The following LARP1B variants were observed in gnomAD, a reference collection of about 807,000 sequenced individuals.
LARP1B encodes la-related protein 1B.
In LARP1B, 76 loss-of-function variants were observed where a neutral mutation model predicts 114.2. That is an observed-to-expected ratio of 0.67 (90% CI 0.55 to 0.81). The LOEUF (loss-of-function observed/expected upper bound fraction) is 0.81. Ranked by LOEUF, LARP1B falls within the 30% of genes least tolerant of loss-of-function variation. The probability of loss-of-function intolerance (pLI) is 0.00; values close to 1 mark genes in which losing one functional copy is unlikely to be tolerated. For synonymous variants in LARP1B, 345 were observed against 348.0 expected (o/e 0.99, Z 0.10); for missense variants, 1,014 against 1,075.8 (o/e 0.94, Z 0.80).
intron 9 of LARP1B, chr4:128,108,141 C>T: frequency 7.7e-7 from 1 of 1,296,066 alleles, no homozygotes; most frequent in East Asian, 3.0e-5. Context: ...ATAGGAGCTG[C>T]CTATTTCTGT....
In LARP1B at chr4:128,065,324, TCTCTCTC is replaced by T. The variant is rs1561012713; in HGVS notation, c.-78+3924_-78+3930del. ...TTCTTTCTTTCTTTCTTTCTCTCTC[TCTCTCTC>T]TTTCCTTTCTTTTCTTTTCTTTTCT... On this transcript the variant is annotated intron_variant, in intron 1 of 19. Transcript: ENST00000326639. Among the ~76,000 whole-genome samples, 619 of 134,486 alleles carry T rather than the reference TCTCTCTC, an allele frequency of 4.6e-3. 10 individuals are homozygous for T. The highest frequency in any genetic ancestry group is 0.025 in the Middle Eastern group (6 of 242). The allele number at this position is 134,486 out of a possible 152,430, so 88.2% of individuals were successfully genotyped here. A position where few individuals can be genotyped will look rare whatever the true frequency, so the allele number is the denominator to read the frequency against.
chr4:128,170,872 C>CTTTTTTTTTTTTTTTTTTTTTTTTTTTT (rs70966085), intron 12 of LARP1B, among the ~76,000 whole-genome samples: 2 of 95,008 alleles, frequency 2.1e-5, no homozygotes, highest in Non-Finnish European at 2.2e-5. Context: ...TTTTTCTTTT[C>CTTTTTTTTTTTTTTTTTTTTTTTTTTTT]TTTTTTTTTT....
rs75516554 is a variant in LARP1B at position 128,170,325 on chromosome 4, G to A, written c.1649-6547G>A. Among the ~76,000 whole-genome samples the A allele has an allele frequency of 3.1e-3, 467 of 152,214 alleles. 4 individuals are homozygous for A. Among genetic ancestry groups the A allele is most frequent in the African/African-American group, 0.011 (446 of 41,558 alleles). ...ATGTTTATTACACTATTTTTGAGTA[G>A]AATGTTCCATATTGTCTGTTCAATT... On this transcript the variant is annotated intron_variant, in intron 12 of 19. Transcript: ENST00000326639.
intron 11 of LARP1B, among the ~76,000 whole-genome samples, chr4:128,150,523 C>T (rs1352493722): frequency 6.6e-6 from 1 of 151,968 alleles, no homozygotes; most frequent in Non-Finnish European, 1.5e-5. Flanking sequence ...GAATTCCTGG[C>T]CTCAAGTAAT....
At chr4:128,186,695 C>G (rs764412859) in intron 15 of LARP1B, among the ~76,000 whole-genome samples, 4 of 152,162 alleles carry the variant, frequency 2.6e-5, no homozygotes, top group Non-Finnish European at 4.4e-5. Context: ...AGTGGACAAC[C>G]TTGTGTTATT....
At chr4:128,126,066 G>C (rs534094954) in intron 11 of LARP1B, among the ~76,000 whole-genome samples, 1 of 151,012 alleles carries the variant, frequency 6.6e-6, no homozygotes, top group Non-Finnish European at 1.5e-5. Flanking sequence ...TCTCGCATGT[G>C]AGAATGAGCA....
intron 12 of LARP1B, among the ~76,000 whole-genome samples, chr4:128,176,149 TTA>T (rs1192143977): frequency 6.9e-4 from 94 of 135,620 alleles, no homozygotes; most frequent in South Asian, 1.9e-3. Flanking sequence ...TATATTTATA[TTA>T]TATATATAAA....
chr4:128,097,643 T>C (rs1429515167), intron 7 of LARP1B, among the ~76,000 whole-genome samples: 2 of 152,178 alleles, frequency 1.3e-5, no homozygotes. Flanking sequence ...TTGTGCTGGT[T>C]ACTAGGCTTC....
chr4:128,204,028 G>A (rs1175964067), intron 17 of LARP1B, among the ~76,000 whole-genome samples: 2 of 152,214 alleles, frequency 1.3e-5, no homozygotes, highest in East Asian at 3.9e-4. Flanking sequence ...CTGTGTATTT[G>A]GGTTGTGTTA....
At chr4:128,076,930 G>A (rs1768167455) in intron 3 of LARP1B, among the ~76,000 whole-genome samples, 1 of 151,894 alleles carries the variant, frequency 6.6e-6, no homozygotes, top group Non-Finnish European at 1.5e-5. Flanking sequence ...GTTTCGTCAT[G>A]TGCCCAGGCT....
chr4:128,065,868 T>TG (rs1353150337), intron 1 of LARP1B, among the ~76,000 whole-genome samples: 1 of 152,168 alleles, frequency 6.6e-6, no homozygotes, highest in Non-Finnish European at 1.5e-5. Flanking sequence ...CTTGCTCTAT[T>TG]GCAGTGGTGA....
chr4:128,164,938 T>G (rs1245468685), intron 12 of LARP1B, among the ~76,000 whole-genome samples: 2 of 151,912 alleles, frequency 1.3e-5, no homozygotes, highest in Admixed American at 6.6e-5. Context: ...AAAGAACTAA[T>G]GTTACATGTG....
At chr4:128,199,646 A>G (rs1755300677) in intron 16 of LARP1B, 47 bp downstream of exon 16, 1 of 1,001,128 alleles carries the variant, frequency 1.0e-6, no homozygotes, top group Non-Finnish European at 1.3e-6. Context: ...AAATTAAAAT[A>G]TAATTCTAAA....
intron 12 of LARP1B, among the ~76,000 whole-genome samples, chr4:128,175,233 G>T (rs1035052672): frequency 2.5e-4 from 38 of 152,006 alleles, no homozygotes; most frequent in African/African-American, 8.7e-4. Context: ...TCAGGTTTTG[G>T]CATGGTTTTT....
intron 9 of LARP1B, among the ~76,000 whole-genome samples, chr4:128,109,734 T>G (rs1783353449): frequency 6.6e-6 from 1 of 151,920 alleles, no homozygotes; most frequent in Non-Finnish European, 1.5e-5. Context: ...CCCTTGACTC[T>G]TAGCACCACT....
At chr4:128,163,218 G>T (rs1739282377) in intron 12 of LARP1B, among the ~76,000 whole-genome samples, 1 of 151,990 alleles carries the variant, frequency 6.6e-6, no homozygotes, top group South Asian at 2.1e-4. Context: ...TGAAGAAACT[G>T]GGTTGTTTGT....
At chr4:128,069,124 G>A (rs1561033649) in intron 1 of LARP1B, 5 of 1,088,840 alleles carry the variant, frequency 4.6e-6, no homozygotes, top group South Asian at 1.2e-5. Context: ...TGGCTCTTTC[G>A]GCCTGCAGAT....
Position 128,121,848 on chromosome 4 carries a change from G to A in LARP1B, c.1184G>A (p.Gly395Glu). The change falls in exon 11 of 20, where the codon GGG (glycine) becomes GAG (glutamate). Residue 395 changes from glycine (G) to glutamate (E), a missense_variant. Coordinates refer to ENST00000326639, the MANE Select transcript of LARP1B (RefSeq NM_018078.4). ...KLRESVSVPE[G>E]SLNQLCSSEE... ...CAGGAATCAGTGTCTGTCCCTGAAG[G>A]GTCATTAAATCAGCTATGTTCTTCA... 6.3e-7 allele frequency: 1 copy of A among 1,594,888 alleles called. No homozygotes were observed. The highest frequency in any genetic ancestry group is 8.5e-7 in the Non-Finnish European group (1 of 1,171,244).
chr4:128,098,761 ATATATATT>A (rs1471500086), intron 8 of LARP1B, among the ~76,000 whole-genome samples: 2 of 35,316 alleles, frequency 5.7e-5, no homozygotes, highest in Non-Finnish European at 1.1e-4. Context: ...ATATATATAT[ATATATATT>A]TTTTTTTTTT....
Sources: gnomAD v4.1 joint callset for allele counts (sites outside exome capture counted in the v4.1 genomes callset) on GRCh38, gnomAD v4.1.1 for gene constraint, MANE v1.5 for transcripts, NCBI Gene and HGNC (gene_info 2026-07-23, HGNC 2026-07-21) for gene names.